Variants in SHISA6 observed in about 807,000 individuals in gnomAD.
SHISA6 encodes shisa family member 6.
In SHISA6, 22 loss-of-function variants were observed where a neutral mutation model predicts 47.9. That is an observed-to-expected ratio of 0.46 (90% CI 0.33 to 0.66). SHISA6 has a LOEUF of 0.66. SHISA6 is among the 30% of genes least tolerant of loss of function. The pLI is 0.02. For missense variants in SHISA6, 680 were observed against 764.6 expected (o/e 0.89, Z 1.30); for synonymous variants, 388 against 337.8 (o/e 1.15, Z -1.63).
intron 3 of SHISA6, among the ~76,000 whole-genome samples, chr17:11,490,988 C>T (rs2969213): frequency 0.18 from 27,542 of 152,120 alleles, 2,540 homozygotes; most frequent in Middle Eastern, 0.21. Flanking sequence ...GGCTCTTGCC[C>T]AATCTCAGCC....
intron 3 of SHISA6, among the ~76,000 whole-genome samples, chr17:11,498,797 A>G (rs1312513583): frequency 6.6e-6 from 1 of 152,148 alleles, no homozygotes; most frequent in Non-Finnish European, 1.5e-5. Flanking sequence ...AAGGCTGTGG[A>G]CTTGTAGGAC....
In SHISA6 at chr17:11,297,143, G is replaced by C. The variant is rs538010367; in HGVS notation, c.799+33617G>C. 3.3e-5 allele frequency among the ~76,000 whole-genome samples: 5 copies of C among 152,214 alleles called. No individual in the cohort carries two copies. In the East Asian group the frequency reaches 7.7e-4, roughly 24 times the overall value. ...GCTGGGGGCATATGGAATCAAGAAC[G>C]TACCTCTTATAGATGGAAGACACCA... On this transcript the variant is annotated intron_variant, in intron 2 of 5. Coordinates refer to ENST00000441885, the MANE Select transcript of SHISA6 (RefSeq NM_207386.4).
At chr17:11,283,851 C>T (rs1410238265) in intron 2 of SHISA6, among the ~76,000 whole-genome samples, 1 of 152,140 alleles carries the variant, frequency 6.6e-6, no homozygotes, top group Non-Finnish European at 1.5e-5. Context: ...GCTTCTATTG[C>T]TATTAAGGAG....
chr17:11,410,831 G>A (rs777962221), intron 3 of SHISA6, among the ~76,000 whole-genome samples: 3 of 152,122 alleles, frequency 2.0e-5, no homozygotes, highest in Non-Finnish European at 4.4e-5. Flanking sequence ...CTGGGGTTGG[G>A]ACCCAGAAAA....
intron 2 of SHISA6, among the ~76,000 whole-genome samples, chr17:11,320,402 G>A (rs1171488257): frequency 1.3e-5 from 2 of 152,112 alleles, no homozygotes; most frequent in Admixed American, 6.5e-5. Flanking sequence ...GCTCATGCCT[G>A]TAATCCCAGC....
chr17:11,486,924 G>A (rs2969216), intron 3 of SHISA6, among the ~76,000 whole-genome samples: 48,334 of 152,146 alleles, frequency 0.32, 8,389 homozygotes, highest in African/African-American at 0.47. Context: ...GGGTCTGCCA[G>A]CGAGGCCTGG....
chr17:11,416,064 G>A (rs1240773519), intron 3 of SHISA6, among the ~76,000 whole-genome samples: 2 of 152,030 alleles, frequency 1.3e-5, no homozygotes, highest in African/African-American at 4.8e-5. Context: ...CTTCTTATAA[G>A]ACCACTAATT....
intron 2 of SHISA6, among the ~76,000 whole-genome samples, chr17:11,350,193 T>TA (rs1911835323): frequency 1.5e-5 from 2 of 137,096 alleles, no homozygotes; most frequent in Non-Finnish European, 3.1e-5. Context: ...TTTTTTTTTT[T>TA]TTTTGAGACG....
intron 2 of SHISA6, among the ~76,000 whole-genome samples, chr17:11,267,495 C>A (rs1597430550): frequency 6.6e-6 from 1 of 152,124 alleles, no homozygotes; most frequent in African/African-American, 2.4e-5. Flanking sequence ...AATGCCTGCC[C>A]CCATCCCAAA....
rs1233204609 is a variant in SHISA6 at position 11,526,939 on chromosome 17, T to C, written c.896-24957T>C. On this transcript the variant is annotated intron_variant, in intron 3 of 5. Coordinates refer to ENST00000441885, the MANE Select transcript of SHISA6 (RefSeq NM_207386.4). ...TATATATATATATATATATATATTA[T>C]AATGATCAAATCAGGGTATTTAGGC... Among the ~76,000 whole-genome samples the C allele has an allele frequency of 6.1e-5, 4 of 65,702 alleles. No homozygotes were observed. The East Asian group carries it at 1.7e-3, about 27-fold the overall frequency. 43.1% of individuals were successfully genotyped at this position (65,702 alleles called of 152,430 possible). A position where few individuals can be genotyped will look rare whatever the true frequency, so the allele number is the denominator to read the frequency against.
chr17:11,555,079 A>T (rs557959379), intron 4 of SHISA6, among the ~76,000 whole-genome samples: 34 of 152,262 alleles, frequency 2.2e-4, no homozygotes, highest in East Asian at 9.7e-4. Flanking sequence ...TTTTGTCTAG[A>T]TTCTTTCCTC....
intron 3 of SHISA6, among the ~76,000 whole-genome samples, chr17:11,544,756 T>G (rs571240185): frequency 1.3e-5 from 2 of 152,038 alleles, no homozygotes; most frequent in South Asian, 4.1e-4. Context: ...GTCAGGAGAT[T>G]GCGACCATCC....
At chr17:11,251,888 G>A (rs1007016052) in intron 1 of SHISA6, among the ~76,000 whole-genome samples, 9 of 152,134 alleles carry the variant, frequency 5.9e-5, no homozygotes, top group South Asian at 2.1e-4. Context: ...CCTGCCACAC[G>A]CCTCAAGGTC....
Position 11,555,856 on chromosome 17 carries a change from A to G in SHISA6, c.1069A>G (p.Thr357Ala). Reference sequence around the variant, plus strand: ...CCCATCCTACGAGTCTGCAGTAAAGACCAACCCCAGCAAGTATTCATCTCT... The same window carrying G: ...CCCATCCTACGAGTCTGCAGTAAAGGCCAACCCCAGCAAGTATTCATCTCT... The part of the protein sequence containing the change: ...LPPSYESAVK[T>A]NPSKYSSLKR... The change falls in exon 5 of 6, where the codon ACC becomes GCC. Residue 357 changes from threonine to alanine, a missense_variant. By Grantham distance (58) the Thr-to-Ala change is moderately conservative. Around this residue, in one of 2 missense-constraint regions of SHISA6, gnomAD observed 559 missense variants for 674.1 expected, o/e 0.83. Coordinates refer to ENST00000441885, the MANE Select transcript of SHISA6 (RefSeq NM_207386.4). The G allele has an allele frequency of 6.5e-7, 1 of 1,549,818 alleles. No homozygotes were observed. The highest frequency in any genetic ancestry group is 8.7e-7 in the Non-Finnish European group (1 of 1,146,368).
chr17:11,557,947 C>T lies in SHISA6; in HGVS notation c.1299C>T (p.Phe433=), dbSNP rs749643217. The change falls in exon 6 of 6, where the codon TTC becomes TTT. Residue 433 remains phenylalanine (F), a synonymous_variant. Transcript: ENST00000441885. Reference sequence around the variant, plus strand: ...CGGATCGGGGCCTGCCAGATGAGTTCAGCATGCCCTACGACCGCATCCTGT... The same window carrying T: ...CGGATCGGGGCCTGCCAGATGAGTTTAGCATGCCCTACGACCGCATCCTGT... ...LSPDRGLPDE[F]SMPYDRILSD... is the part of the protein sequence containing the mutation. 1.9e-6 allele frequency: 3 copies of T among 1,551,420 alleles called. No individual in the cohort carries two copies. Among genetic ancestry groups the T allele is most frequent in the Non-Finnish European group, 2.6e-6 (3 of 1,146,948 alleles).
chr17:11,507,903 G>A (rs937205579), intron 3 of SHISA6, among the ~76,000 whole-genome samples: 55 of 152,120 alleles, frequency 3.6e-4, no homozygotes, highest in African/African-American at 1.2e-3. Context: ...TGAGACTGGC[G>A]AGCTTAAGAC....
At chr17:11,556,194 C>T (rs764826074) in intron 5 of SHISA6, among the ~76,000 whole-genome samples, 22 of 152,274 alleles carry the variant, frequency 1.4e-4, no homozygotes, top group South Asian at 2.1e-4. Context: ...CAGTCCCGCA[C>T]GCAACTGCCT....
At chr17:11,432,238 T>C (rs1205629484) in intron 3 of SHISA6, among the ~76,000 whole-genome samples, 1 of 152,196 alleles carries the variant, frequency 6.6e-6, no homozygotes, top group Non-Finnish European at 1.5e-5. Context: ...CTGCATAGGA[T>C]GGGTTCTGCT....
At chr17:11,334,178 C>T (rs1911233680) in intron 2 of SHISA6, among the ~76,000 whole-genome samples, 1 of 152,122 alleles carries the variant, frequency 6.6e-6, no homozygotes, top group Non-Finnish European at 1.5e-5. Context: ...ACAACTGCAA[C>T]CAGAGTCCCA....
Sources: allele counts gnomAD v4.1 joint callset (sites outside exome capture counted in the v4.1 genomes callset), GRCh38; gene constraint gnomAD v4.1.1; regional missense constraint gnomAD v4.1.1; transcripts MANE v1.5; gene names NCBI Gene and HGNC (gene_info 2026-07-23, HGNC 2026-07-21).